LDB2: variants seen among roughly 807,000 people sequenced by gnomAD.
The protein encoded by LDB2 is LIM domain-binding protein 2.
Under a neutral mutation model 44.3 loss-of-function variants are expected in LDB2, and 12 were observed. The ratio of observed to expected loss-of-function variants is 0.27; its 90% CI spans 0.17 to 0.44. The LOEUF is 0.44. Ranked by LOEUF, LDB2 falls within the 20% of genes least tolerant of loss-of-function variation. The pLI, the probability that LDB2 is intolerant of heterozygous loss-of-function variation, is 1.00. For missense variants in LDB2, 344 were observed against 473.5 expected (o/e 0.73, Z 2.54); for synonymous variants, 164 against 174.8 (o/e 0.94, Z 0.49).
chr4:16,525,561 T>G (rs564440062), intron 5 of LDB2, among the ~76,000 whole-genome samples: 1 of 152,334 alleles, frequency 6.6e-6, no homozygotes, highest in South Asian at 2.1e-4. Context: ...GTGGTTCAAT[T>G]ATTCATTCAC....
chr4:16,817,635 T>G (rs1781194768), intron 1 of LDB2, among the ~76,000 whole-genome samples: 1 of 152,234 alleles, frequency 6.6e-6, no homozygotes, highest in Non-Finnish European at 1.5e-5. Flanking sequence ...TAATAATAAT[T>G]GCATAGTGCT....
intron 2 of LDB2, among the ~76,000 whole-genome samples, chr4:16,648,137 A>T (rs183395611): frequency 6.6e-6 from 1 of 152,280 alleles, no homozygotes; most frequent in African/African-American, 2.4e-5. Context: ...GCTGATTTCA[A>T]TTGCTCTCCA....
At chr4:16,561,796 A>C (rs1361538979) in intron 5 of LDB2, among the ~76,000 whole-genome samples, 1 of 152,244 alleles carries the variant, frequency 6.6e-6, no homozygotes, top group Admixed American at 6.5e-5. Flanking sequence ...AGCTGGAGGC[A>C]TCACGCTACC....
intron 7 of LDB2, chr4:16,505,887 C>A: frequency 6.4e-7 from 1 of 1,551,446 alleles, no homozygotes; most frequent in Non-Finnish European, 8.7e-7. Context: ...CTCAATGCTT[C>A]TCCTTAAATT....
intron 1 of LDB2, among the ~76,000 whole-genome samples, chr4:16,761,320 C>A (rs1767866351): frequency 6.6e-6 from 1 of 152,166 alleles, no homozygotes; most frequent in Non-Finnish European, 1.5e-5. Flanking sequence ...GCTACATTTC[C>A]CTGACAGTCT....
chr4:16,517,335 C>G (rs1724134673), intron 5 of LDB2, among the ~76,000 whole-genome samples: 1 of 124,004 alleles, frequency 8.1e-6, no homozygotes. Context: ...CTCATTACCC[C>G]ACTCCACATA....
chr4:16,869,382 A>G (rs4698517), intron 1 of LDB2, among the ~76,000 whole-genome samples: 40,254 of 151,916 alleles, frequency 0.26, 6,088 homozygotes, highest in East Asian at 0.68. Flanking sequence ...GGAGGTGATA[A>G]TATCAGACAA....
chr4:16,875,851 A>G (rs1718207940), intron 1 of LDB2, among the ~76,000 whole-genome samples: 1 of 152,256 alleles, frequency 6.6e-6, no homozygotes, highest in Non-Finnish European at 1.5e-5. Flanking sequence ...TTGTCCATAT[A>G]GAGAGCTTTA....
At chr4:16,870,498 C>T (rs1561494597) in intron 1 of LDB2, among the ~76,000 whole-genome samples, 1 of 152,014 alleles carries the variant, frequency 6.6e-6, no homozygotes, top group Non-Finnish European at 1.5e-5. Flanking sequence ...CCTGCGGTCA[C>T]CCCCACTCCC....
At chr4:16,530,748 T>G (rs1267385074) in intron 5 of LDB2, among the ~76,000 whole-genome samples, 2 of 152,196 alleles carry the variant, frequency 1.3e-5, no homozygotes, top group African/African-American at 4.8e-5. Flanking sequence ...TTGTTCTTTC[T>G]GAAATAGATT....
intron 2 of LDB2, among the ~76,000 whole-genome samples, chr4:16,739,696 ACATATATGTG>A (rs1762780326): frequency 2.3e-5 from 2 of 86,062 alleles, no homozygotes; most frequent in African/African-American, 9.9e-5. Flanking sequence ...ATGTATATAT[ACATATATGTG>A]TATATATGTA....
chr4:16,530,818 C>A (rs1032479349), intron 5 of LDB2, among the ~76,000 whole-genome samples: 3 of 152,162 alleles, frequency 2.0e-5, no homozygotes, highest in Admixed American at 2.0e-4. Flanking sequence ...GGCTGGCACA[C>A]AACTAGTTAC....
At chr4:16,798,611 C>T (rs1008405496) in intron 1 of LDB2, among the ~76,000 whole-genome samples, 1 of 152,200 alleles carries the variant, frequency 6.6e-6, no homozygotes, top group African/African-American at 2.4e-5. Flanking sequence ...CCCCACCTCC[C>T]TCTTCCCTCA....
At chr4:16,510,153 C>T (rs550645303) in intron 6 of LDB2, among the ~76,000 whole-genome samples, 1 of 152,250 alleles carries the variant, frequency 6.6e-6, no homozygotes, top group Non-Finnish European at 1.5e-5. Flanking sequence ...ACCAAAAAAA[C>T]ACCTATGCCA....
At chr4:16,807,039 T>G (rs1778920367) in intron 1 of LDB2, among the ~76,000 whole-genome samples, 1 of 152,142 alleles carries the variant, frequency 6.6e-6, no homozygotes, top group South Asian at 2.1e-4. Context: ...AGAAAACTGG[T>G]TTTTGGAGCT....
intron 2 of LDB2, among the ~76,000 whole-genome samples, chr4:16,724,489 G>C (rs1437855054): frequency 6.6e-6 from 1 of 151,930 alleles, no homozygotes; most frequent in Non-Finnish European, 1.5e-5. Context: ...CTGGAAGGCA[G>C]AAACATGCTT....
intron 1 of LDB2, among the ~76,000 whole-genome samples, chr4:16,824,750 C>T (rs1159217015): frequency 6.6e-6 from 1 of 152,232 alleles, no homozygotes; most frequent in Non-Finnish European, 1.5e-5. Context: ...TTACCCACAA[C>T]ACGGGTGTTC....
At chr4:16,879,670 GTCT>G (rs1211283670) in intron 1 of LDB2, among the ~76,000 whole-genome samples, 5 of 152,132 alleles carry the variant, frequency 3.3e-5, no homozygotes, top group Non-Finnish European at 7.4e-5. Context: ...GCTTTCTTGG[GTCT>G]CCAGCTTGCA....
intron 2 of LDB2, among the ~76,000 whole-genome samples, chr4:16,703,504 T>C (rs1445220892): frequency 6.6e-6 from 1 of 152,230 alleles, no homozygotes; most frequent in Non-Finnish European, 1.5e-5. Context: ...GTTGGACATA[T>C]GACAAAGGCT....
Sources: allele counts gnomAD v4.1 joint callset (sites outside exome capture counted in the v4.1 genomes callset), GRCh38; gene constraint gnomAD v4.1.1; transcripts MANE v1.5; gene names NCBI Gene and HGNC (gene_info 2026-07-23, HGNC 2026-07-21).